SCMH1: variants seen among roughly 807,000 people sequenced by gnomAD.
SCMH1 encodes the protein Scm polycomb group protein homolog 1.
SCMH1 carries 37 observed loss-of-function variants against 70.8 expected under a neutral mutation model. That is an observed-to-expected ratio of 0.52 (90% CI 0.40 to 0.69). SCMH1 has a LOEUF of 0.69. Among genes scored for constraint, SCMH1 ranks in the 30% least tolerant of loss-of-function variants. SCMH1 has a pLI of 0.00. For missense variants in SCMH1, 607 were observed against 827.3 expected (o/e 0.73, Z 3.27); for synonymous variants, 292 against 307.4 (o/e 0.95, Z 0.52).
At chr1:41,091,116 C>T (rs1193383071) in intron 8 of SCMH1, among the ~76,000 whole-genome samples, 1 of 151,056 alleles carries the variant, frequency 6.6e-6, no homozygotes. Flanking sequence ...CCCTGATGAA[C>T]ATGGATGCAA....
At chr1:41,027,574 A>C (rs1643954171) in exon 15 of SCMH1, 1 of 152,226 alleles carries the variant, frequency 6.6e-6, no homozygotes, top group Non-Finnish European at 1.5e-5. Context: ...TCTCCACCTC[A>C]AAGAGAAAGT....
chr1:41,233,576 C>T (rs946717273), intron 1 of SCMH1, among the ~76,000 whole-genome samples: 1 of 152,162 alleles, frequency 6.6e-6, no homozygotes, highest in Non-Finnish European at 1.5e-5. Flanking sequence ...ATTATAATCA[C>T]TGGCCCACAG....
rs539378698 is a variant in SCMH1 at position 41,103,580 on chromosome 1, G to C, written c.745+9703C>G. On this transcript the variant is annotated intron_variant, in intron 8 of 14. Coordinates refer to ENST00000337495, the Ensembl canonical transcript of SCMH1. ...TGGCACAGTGGGTGTTACAATAAAA[G>C]CTTGCCAAAAAAACCCTATATGGGT... Among the ~76,000 whole-genome samples, 4 of 152,192 alleles carry C rather than the reference G, an allele frequency of 2.6e-5. No individual in the cohort carries two copies. In the East Asian group the frequency reaches 5.8e-4, roughly 22 times the overall value.
chr1:41,120,844 A>T (rs1460619578), intron 6 of SCMH1, among the ~76,000 whole-genome samples: 1 of 152,126 alleles, frequency 6.6e-6, no homozygotes, highest in African/African-American at 2.4e-5. Flanking sequence ...AGGACTTCTT[A>T]TTTGGTTCTC....
intron 1 of SCMH1, among the ~76,000 whole-genome samples, chr1:41,219,606 T>C (rs1446167665): frequency 2.0e-5 from 3 of 152,244 alleles, no homozygotes; most frequent in Middle Eastern, 3.2e-3. Flanking sequence ...TAGCTCAGTA[T>C]ACTCAATAGT....
intron 1 of SCMH1, among the ~76,000 whole-genome samples, chr1:41,204,899 T>C (rs1655152945): frequency 6.6e-6 from 1 of 152,194 alleles, no homozygotes; most frequent in Non-Finnish European, 1.5e-5. Flanking sequence ...TATATGCTAA[T>C]TTAATAGTAA....
chr1:41,043,543 C>T (rs1293203588), intron 12 of SCMH1: 1 of 151,904 alleles, frequency 6.6e-6, no homozygotes, highest in African/African-American at 2.4e-5. Flanking sequence ...CTGCCTCAGC[C>T]TCCTGAGTAG....
chr1:41,156,650 G>C (rs1357415924), intron 4 of SCMH1, among the ~76,000 whole-genome samples: 3 of 152,060 alleles, frequency 2.0e-5, no homozygotes, highest in Non-Finnish European at 4.4e-5. Context: ...AATTGCCCAG[G>C]CTGTTCTCGA....
At chr1:41,037,562 A>G (rs1443079568) in intron 12 of SCMH1, 21 bp from the exon 13 acceptor site, 1 of 1,609,794 alleles carries the variant, frequency 6.2e-7, no homozygotes, top group Non-Finnish European at 8.5e-7. Flanking sequence ...GTAAAACCAG[A>G]GTTAGAGCTT....
chr1:41,084,367 C>T (rs975184975), intron 8 of SCMH1, among the ~76,000 whole-genome samples: 6 of 152,262 alleles, frequency 3.9e-5, no homozygotes, highest in African/African-American at 1.2e-4. Flanking sequence ...CCAAAAAATA[C>T]ATGAAAAAAT....
chr1:41,075,317 T>C, exon 9 of SCMH1: 2 of 1,614,180 alleles, frequency 1.2e-6, no homozygotes, highest in Non-Finnish European at 8.5e-7. Flanking sequence ...GTCTTGGGTG[T>C]CCGGCCCCGC....
At chr1:41,041,295 A>G (rs971089583) in intron 12 of SCMH1, 2 of 152,230 alleles carry the variant, frequency 1.3e-5, no homozygotes, top group African/African-American at 4.8e-5. Context: ...TTCAACAAAT[A>G]CTATTAATTA....
At chr1:41,206,020 C>A (rs1182080831) in intron 1 of SCMH1, among the ~76,000 whole-genome samples, 3 of 152,158 alleles carry the variant, frequency 2.0e-5, no homozygotes, top group African/African-American at 4.8e-5. Flanking sequence ...GACATCCATA[C>A]CAAAATCCCA....
At chr1:41,081,782 T>C (rs1660101858) in intron 8 of SCMH1, among the ~76,000 whole-genome samples, 1 of 151,244 alleles carries the variant, frequency 6.6e-6, no homozygotes, top group Admixed American at 6.6e-5. Flanking sequence ...ATGGTGTCAC[T>C]GCACTCTAGT....
At chr1:41,079,464 TATAA>T (rs1432181084) in intron 8 of SCMH1, among the ~76,000 whole-genome samples, 4 of 152,122 alleles carry the variant, frequency 2.6e-5, no homozygotes, top group Non-Finnish European at 5.9e-5. Flanking sequence ...TAATGTACTC[TATAA>T]ACACTAACCA....
chr1:41,063,870 A>G (rs1653677021), intron 10 of SCMH1, among the ~76,000 whole-genome samples: 2 of 152,248 alleles, frequency 1.3e-5, no homozygotes, highest in African/African-American at 4.8e-5. Context: ...AGATAGGTTC[A>G]TTCGTGAATT....
intron 7 of SCMH1, among the ~76,000 whole-genome samples, chr1:41,115,134 T>G (rs1670152022): frequency 6.6e-6 from 1 of 152,262 alleles, no homozygotes; most frequent in Non-Finnish European, 1.5e-5. Flanking sequence ...CATTTAAATT[T>G]AACTGTTGTT....
chr1:41,083,229 T>C (rs191654572), intron 8 of SCMH1, among the ~76,000 whole-genome samples: 7 of 152,292 alleles, frequency 4.6e-5, no homozygotes, highest in Non-Finnish European at 7.4e-5. Flanking sequence ...GAAAACCCCA[T>C]TGTCTCAGCC....
At chr1:41,196,296 C>T (rs543871622) in intron 1 of SCMH1, among the ~76,000 whole-genome samples, 1 of 151,976 alleles carries the variant, frequency 6.6e-6, no homozygotes, top group Non-Finnish European at 1.5e-5. Flanking sequence ...AGAAAACTTA[C>T]ACTTTCTAAT....
Sources: gnomAD v4.1 joint callset for allele counts (sites outside exome capture counted in the v4.1 genomes callset) on GRCh38, gnomAD v4.1.1 for gene constraint, MANE v1.5 for transcripts, NCBI Gene and HGNC (gene_info 2026-07-23, HGNC 2026-07-21) for gene names.